ARHGAP31: variants seen among roughly 807,000 people sequenced by gnomAD.
ARHGAP31 encodes the protein Rho GTPase activating protein 31, also known as rho GTPase-activating protein 31.
Under a neutral mutation model 113.9 loss-of-function variants are expected in ARHGAP31, and 34 were observed. That is an observed-to-expected ratio of 0.30 (90% confidence interval 0.23 to 0.40). ARHGAP31 has a LOEUF of 0.40. Among genes scored for constraint, ARHGAP31 ranks in the 10% least tolerant of loss-of-function variants. The probability of loss-of-function intolerance (pLI) is 1.00; values close to 1 mark genes in which losing one functional copy is unlikely to be tolerated. For synonymous variants in ARHGAP31, 650 were observed against 684.8 expected (o/e 0.95, Z 0.79); for missense variants, 1,548 against 1,767.1 (o/e 0.88, Z 2.22).
intron 2 of ARHGAP31, among the ~76,000 whole-genome samples, chr3:119,367,169 G>C (rs2080257993): frequency 6.6e-6 from 1 of 152,072 alleles, no homozygotes; most frequent in East Asian, 1.9e-4. Flanking sequence ...GAAAGTATCA[G>C]GGATTTCCCT....
At position 119,365,424 on chromosome 3, in the gene ARHGAP31, C is replaced by T. The variant is rs141911639; in HGVS notation, c.203+6C>T. The T allele has an allele frequency of 5.3e-4, 856 of 1,609,644 alleles. 3 individuals carry two copies. The highest frequency in any genetic ancestry group is 4.4e-4 in the Non-Finnish European group (517 of 1,176,246). On this transcript the variant is annotated splice_donor_region_variant and intron_variant, in intron 2 of 11. Coordinates refer to ENST00000264245, the MANE Select transcript of ARHGAP31 (RefSeq NM_020754.4). ...TCAAACATACAACGGCTAAGGTAAG[C>T]TAAAAGAATAGCCCTAAAAGAATTC...
chr3:119,324,058 TTGCCATCCC>T (rs201106743), intron 1 of ARHGAP31, among the ~76,000 whole-genome samples: 2 of 152,098 alleles, frequency 1.3e-5, no homozygotes, highest in African/African-American at 4.8e-5. Context: ...AGTGGGGCTC[TTGCCATCCC>T]TGCCATCCCT....
intron 1 of ARHGAP31, among the ~76,000 whole-genome samples, chr3:119,332,635 T>TGA (rs2079904776): frequency 1.2e-5 from 1 of 85,664 alleles, no homozygotes; most frequent in Non-Finnish European, 2.1e-5. Flanking sequence ...TCTCTCTCTC[T>TGA]CACACACACA....
In ARHGAP31 at chr3:119,414,289, C is replaced by G. The variant is rs765917712; in HGVS notation, c.2360C>G (p.Pro787Arg). The part of the protein sequence containing the change: ...LSPPLPPAPP[P>R]PTPLEESTPV... ...CCTCCACTCCCACCTGCTCCTCCCC[C>G]TCCAACTCCTCTGGAGGAGTCAACT... is the stretch of plus-strand genomic sequence containing the variant. Residue 787 changes from proline to arginine, a missense_variant, in exon 12 of 12, where the codon CCT becomes CGT. By Grantham distance (103) the Pro-to-Arg change is moderately radical. Transcript: ENST00000264245. The G allele has an allele frequency of 1.9e-6, 3 of 1,614,212 alleles. No individual in the cohort carries two copies. Among genetic ancestry groups the G allele is most frequent in the East Asian group, 4.5e-5 (2 of 44,880 alleles).
chr3:119,342,539 G>A (rs2080017704), intron 1 of ARHGAP31, among the ~76,000 whole-genome samples: 1 of 152,136 alleles, frequency 6.6e-6, no homozygotes. Flanking sequence ...AAACTGGCTG[G>A]ATCCTGAATT....
chr3:119,308,478 C>T (rs2079649963), intron 1 of ARHGAP31, among the ~76,000 whole-genome samples: 1 of 152,208 alleles, frequency 6.6e-6, no homozygotes, highest in South Asian at 2.1e-4. Flanking sequence ...GCACCTTCCT[C>T]CATCTGTCTT....
intron 7 of ARHGAP31, among the ~76,000 whole-genome samples, chr3:119,392,644 A>T (rs1484935802): frequency 6.6e-6 from 1 of 152,174 alleles, no homozygotes; most frequent in Non-Finnish European, 1.5e-5. Flanking sequence ...GGCTGTCTCG[A>T]CGCAGCCTAG....
intron 3 of ARHGAP31, among the ~76,000 whole-genome samples, chr3:119,369,854 G>GCAA (rs919476267): frequency 6.0e-5 from 9 of 150,520 alleles, no homozygotes; most frequent in East Asian, 5.8e-4. Flanking sequence ...CTTTTAGCAA[G>GCAA]CAACAACAAC....
chr3:119,374,066 C>T (rs1339131054), intron 3 of ARHGAP31, among the ~76,000 whole-genome samples: 3 of 152,166 alleles, frequency 2.0e-5, no homozygotes, highest in Non-Finnish European at 4.4e-5. Context: ...TGAAAAGTCA[C>T]AGTTTTGAAA....
chr3:119,304,887 T>G (rs2079617185), intron 1 of ARHGAP31, among the ~76,000 whole-genome samples: 1 of 148,748 alleles, frequency 6.7e-6, no homozygotes, highest in Non-Finnish European at 1.5e-5. Context: ...AGAGTGAGAC[T>G]CTGTCTCAAA....
chr3:119,341,976 G>A (rs1231640621), intron 1 of ARHGAP31: 2 of 152,030 alleles, frequency 1.3e-5, no homozygotes, highest in African/African-American at 2.4e-5. Flanking sequence ...TAGAAGTTCT[G>A]GGCACTCCTA....
chr3:119,377,718 T>A (rs2080361079), intron 3 of ARHGAP31, among the ~76,000 whole-genome samples: 3 of 151,986 alleles, frequency 2.0e-5, no homozygotes. Flanking sequence ...GGAAGGAAGG[T>A]TAACTTTCCT....
intron 1 of ARHGAP31, among the ~76,000 whole-genome samples, chr3:119,329,302 G>A (rs552734141): frequency 7.2e-4 from 109 of 152,156 alleles, no homozygotes; most frequent in Non-Finnish European, 1.4e-3. Context: ...CCTGCATCAA[G>A]TTACCTAGAA....
intron 1 of ARHGAP31, among the ~76,000 whole-genome samples, chr3:119,304,156 G>A (rs2079610282): frequency 1.3e-5 from 2 of 152,164 alleles, no homozygotes; most frequent in South Asian, 4.1e-4. Context: ...CAATAAGTAT[G>A]TAATGGGATT....
chr3:119,372,572 C>T (rs894992787), intron 3 of ARHGAP31, among the ~76,000 whole-genome samples: 10 of 152,070 alleles, frequency 6.6e-5, no homozygotes, highest in Non-Finnish European at 1.2e-4. Flanking sequence ...CGTGAACCAC[C>T]GCACCCGGCC....
chr3:119,398,855 C>T (rs1216872085), intron 8 of ARHGAP31, among the ~76,000 whole-genome samples: 4 of 152,212 alleles, frequency 2.6e-5, no homozygotes, highest in Non-Finnish European at 4.4e-5. Context: ...CCTGGAGCCT[C>T]ATGGATTCTA....
At chr3:119,366,865 G>T (rs1278569265) in intron 2 of ARHGAP31, among the ~76,000 whole-genome samples, 4 of 152,036 alleles carry the variant, frequency 2.6e-5, no homozygotes. Flanking sequence ...ACTCTGGGAG[G>T]CCGAGACGGG....
At chr3:119,341,019 A>AT (rs1400308824) in intron 1 of ARHGAP31, among the ~76,000 whole-genome samples, 2 of 151,990 alleles carry the variant, frequency 1.3e-5, no homozygotes, top group Non-Finnish European at 2.9e-5. Context: ...ACATCATGGG[A>AT]TTTTTTTTCT....
At chr3:119,374,030 C>G (rs2080327100) in intron 3 of ARHGAP31, among the ~76,000 whole-genome samples, 1 of 152,156 alleles carries the variant, frequency 6.6e-6, no homozygotes, top group African/African-American at 2.4e-5. Flanking sequence ...AATGATAAAT[C>G]TATTGTTGTT....
Sources: allele counts gnomAD v4.1 joint callset (sites outside exome capture counted in the v4.1 genomes callset), GRCh38; gene constraint gnomAD v4.1.1; transcripts MANE v1.5; gene names NCBI Gene and HGNC (gene_info 2026-07-23, HGNC 2026-07-21).